TCF12: variants seen among roughly 807,000 people sequenced by gnomAD.
TCF12 encodes the protein DNA-binding protein HTF4.
TCF12 carries 45 observed loss-of-function variants against 86.0 expected under a neutral mutation model. The ratio of observed to expected loss-of-function variants is 0.52; its 90% confidence interval spans 0.41 to 0.67. The LOEUF is 0.67. TCF12 is among the 30% of genes least tolerant of loss of function. The pLI is 0.00. For synonymous variants in TCF12, 330 were observed against 299.6 expected, an observed-to-expected ratio of 1.10 and a Z score of -1.05; for missense variants, 881 against 859.9, an observed-to-expected ratio of 1.02 and a Z score of -0.31.
intron 4 of TCF12, among the ~76,000 whole-genome samples, chr15:57,076,276 T>C (rs181796154): frequency 7.9e-4 from 121 of 152,236 alleles, no homozygotes; most frequent in African/African-American, 2.7e-3. Context: ...TCCAAAACAT[T>C]TATGTATTAG....
chr15:57,152,632 G>C (rs2053843333), intron 5 of TCF12, among the ~76,000 whole-genome samples: 1 of 151,784 alleles, frequency 6.6e-6, no homozygotes, highest in African/African-American at 2.4e-5. Flanking sequence ...ATATAGGCCA[G>C]TATAAATTAT....
At chr15:56,918,560 C>A (rs1449922442), upstream of TCF12, 3 of 267,632 alleles carry the variant, frequency 1.1e-5, no homozygotes, top group African/African-American at 2.4e-5. Flanking sequence ...CCCCCTCTGC[C>A]GGCCCCACTT....
At chr15:57,170,660 A>ATT (rs2055278725) in intron 6 of TCF12, among the ~76,000 whole-genome samples, 1 of 53,982 alleles carries the variant, frequency 1.9e-5, no homozygotes, top group East Asian at 6.0e-4. Context: ...TATTATATAA[A>ATT]ATATATATAT....
At chr15:57,089,588 T>G (rs1374900611) in intron 4 of TCF12, among the ~76,000 whole-genome samples, 5 of 45,706 alleles carry the variant, frequency 1.1e-4, no homozygotes, top group South Asian at 1.3e-3. Context: ...GAAATAGTTT[T>G]TTTTTTTTTT....
chr15:57,036,431 T>G (rs2066510974), intron 3 of TCF12, among the ~76,000 whole-genome samples: 1 of 152,218 alleles, frequency 6.6e-6, no homozygotes, highest in South Asian at 2.1e-4. Context: ...ACTGCCAGAC[T>G]GTTTTCCAGA....
At chr15:57,225,220 CTTTTTTTTTTTTT>C (rs139530756) in intron 8 of TCF12, among the ~76,000 whole-genome samples, 9 of 39,770 alleles carry the variant, frequency 2.3e-4, no homozygotes, top group South Asian at 3.2e-3. Flanking sequence ...CTGATATATG[CTTTTTTTTTTTTT>C]TTTTTTTTTT....
intron 7 of TCF12, among the ~76,000 whole-genome samples, chr15:57,194,493 C>T (rs769361179): frequency 2.7e-4 from 41 of 152,068 alleles, no homozygotes; most frequent in Non-Finnish European, 4.6e-4. Flanking sequence ...CATTGTTAGC[C>T]GCTCTTTCTT....
At chr15:57,242,979 G>A (rs1234263028) in intron 12 of TCF12, among the ~76,000 whole-genome samples, 1 of 152,096 alleles carries the variant, frequency 6.6e-6, no homozygotes, top group African/African-American at 2.4e-5. Context: ...GCAAAAATGT[G>A]GTTGATCAAA....
chr15:56,998,273 A>G (rs1596031520), intron 3 of TCF12, among the ~76,000 whole-genome samples: 1 of 152,222 alleles, frequency 6.6e-6, no homozygotes, highest in South Asian at 2.1e-4. Flanking sequence ...CCTGGACAAC[A>G]TGGTGAAACC....
chr15:57,279,345 A>T (rs993841956), intron 19 of TCF12, among the ~76,000 whole-genome samples: 1 of 152,350 alleles, frequency 6.6e-6, no homozygotes, highest in Non-Finnish European at 1.5e-5. Flanking sequence ...AGTTGATGTT[A>T]TAAGAGAGTC....
intron 5 of TCF12, among the ~76,000 whole-genome samples, chr15:57,162,854 T>C (rs2054594939): frequency 1.3e-5 from 2 of 152,114 alleles, no homozygotes; most frequent in Non-Finnish European, 2.9e-5. Context: ...GAGTTCTTAC[T>C]AGGACATTTG....
At chr15:56,971,554 C>T (rs957791563) in intron 3 of TCF12, among the ~76,000 whole-genome samples, 20 of 152,136 alleles carry the variant, frequency 1.3e-4, no homozygotes, top group Non-Finnish European at 2.2e-4. Flanking sequence ...ATGCCCTGGG[C>T]TGAGAGGAGG....
At chr15:57,028,991 GT>G (rs1307215789) in intron 3 of TCF12, among the ~76,000 whole-genome samples, 3 of 152,010 alleles carry the variant, frequency 2.0e-5, no homozygotes, top group Non-Finnish European at 4.4e-5. Context: ...TAGAGACGGG[GT>G]TTTACCATGT....
At chr15:56,943,092 T>C (rs1346622654) in intron 3 of TCF12, among the ~76,000 whole-genome samples, 1 of 152,216 alleles carries the variant, frequency 6.6e-6, no homozygotes, top group African/African-American at 2.4e-5. Flanking sequence ...GGTTTTCCTC[T>C]GTTCAGTTTC....
chr15:57,037,726 G>T (rs574545221), intron 3 of TCF12, among the ~76,000 whole-genome samples: 10 of 152,160 alleles, frequency 6.6e-5, no homozygotes, highest in African/African-American at 2.4e-4. Flanking sequence ...ATCAATTTTA[G>T]TACTGATTTC....
chr15:57,093,840 GA>G (rs1303073619), intron 5 of TCF12, among the ~76,000 whole-genome samples: 2 of 152,088 alleles, frequency 1.3e-5, no homozygotes, highest in African/African-American at 2.4e-5. Flanking sequence ...TAATTCAAAT[GA>G]AAAAAATCTG....
At chr15:57,195,422 C>T (rs1327017226) in intron 7 of TCF12, among the ~76,000 whole-genome samples, 1 of 152,168 alleles carries the variant, frequency 6.6e-6, no homozygotes, top group Non-Finnish European at 1.5e-5. Flanking sequence ...CTGGTAGGGG[C>T]AGTTCAGTTG....
chr15:56,970,299 G>A lies in TCF12; in HGVS notation c.148+49201G>A, dbSNP rs138535272. On this transcript the variant is annotated intron_variant, in intron 3 of 20. Transcript: ENST00000333725. Reference sequence around the variant, plus strand: ...GTTCGAGGTCAGCCTGGCCAATATAGTGAAATCCCATCTCTACTAAAAATA... The same window carrying A: ...GTTCGAGGTCAGCCTGGCCAATATAATGAAATCCCATCTCTACTAAAAATA... Among the ~76,000 whole-genome samples, 680 of 151,984 alleles carry A rather than the reference G, an allele frequency of 4.5e-3. 8 individuals are homozygous for A. Among genetic ancestry groups the A allele is most frequent in the Admixed American group, 0.021 (324 of 15,274 alleles).
rs2435894 is a variant in TCF12 at position 56,925,871 on chromosome 15, A to G, written c.148+4773A>G. Among the ~76,000 whole-genome samples, 1,294 of 152,360 alleles carry G rather than the reference A, an allele frequency of 8.5e-3. 26 individuals carry two copies. The highest frequency in any genetic ancestry group is 0.029 in the African/African-American group (1,222 of 41,568). On this transcript the variant is annotated intron_variant, in intron 3 of 20. Coordinates refer to ENST00000333725, the MANE Select transcript of TCF12 (RefSeq NM_207037.2). ...AGAAGACAAACACTTAAATATATTCAAAAGACTAATGAATGACAGTCTGCT... is the reference window on the plus strand; with the variant it reads ...AGAAGACAAACACTTAAATATATTCGAAAGACTAATGAATGACAGTCTGCT...
Sources: allele counts gnomAD v4.1 joint callset (sites outside exome capture counted in the v4.1 genomes callset), GRCh38; gene constraint gnomAD v4.1.1; transcripts MANE v1.5; gene names NCBI Gene and HGNC (gene_info 2026-07-23, HGNC 2026-07-21).